Variants in LINGO2 observed in about 807,000 individuals in gnomAD.
The protein encoded by LINGO2 is leucine rich repeat and Ig domain containing 2, also known as leucine-rich repeat and immunoglobulin-like domain-containing nogo receptor-interacting protein 2.
A neutral mutation model predicts 30.6 loss-of-function variants in LINGO2; 14 were observed. The ratio of observed to expected loss-of-function variants is 0.46; its 90% CI spans 0.30 to 0.72. The LOEUF is 0.72. Among genes scored for constraint, LINGO2 ranks in the 30% least tolerant of loss-of-function variants. LINGO2 has a pLI of 0.07. For missense variants in LINGO2, 729 were observed against 751.7 expected, an observed-to-expected ratio of 0.97 and a Z score of 0.35; for synonymous variants, 317 against 288.5, an observed-to-expected ratio of 1.10 and a Z score of -1.00.
the LINGO2 span, among the ~76,000 whole-genome samples, chr9:29,073,302 A>G: frequency 6.6e-6 from 1 of 152,148 alleles, no homozygotes; most frequent in Non-Finnish European, 1.5e-5. Context: ...GACATCGTTC[A>G]GATAATGTAT....
intron 4 of LINGO2, among the ~76,000 whole-genome samples, chr9:28,082,762 T>G (rs1825807589): frequency 6.6e-6 from 1 of 152,164 alleles, no homozygotes; most frequent in Non-Finnish European, 1.5e-5. Context: ...TCTGGATCTC[T>G]TTCTCTCCCT....
the LINGO2 span, among the ~76,000 whole-genome samples, chr9:29,005,748 T>C: frequency 1.3e-5 from 2 of 152,156 alleles, no homozygotes; most frequent in East Asian, 3.9e-4. Flanking sequence ...ATCCCATGAA[T>C]ACTGCATTTT....
intron 4 of LINGO2, among the ~76,000 whole-genome samples, chr9:28,151,269 G>GA (rs1347036258): frequency 2.0e-5 from 3 of 151,904 alleles, no homozygotes; most frequent in Non-Finnish European, 4.4e-5. Context: ...GAGATTGATA[G>GA]AAAAAAGACT....
At chr9:28,338,339 G>A (rs552688201) in intron 3 of LINGO2, among the ~76,000 whole-genome samples, 1 of 152,242 alleles carries the variant, frequency 6.6e-6, no homozygotes, top group Non-Finnish European at 1.5e-5. Flanking sequence ...TAATATCTAG[G>A]AAGTAACTAA....
chr9:28,148,531 G>A lies in LINGO2; in HGVS notation c.-86-136126C>T, dbSNP rs1343043064. On this transcript the variant is annotated intron_variant, in intron 4 of 5. Transcript: ENST00000379992. The surrounding 1 kb of genome is among the most constrained non-coding windows in gnomAD (Gnocchi z 5.1). ...ATAAAAGGGGCCCCTGTAGCAATGG[G>A]GAAGCAGCTTCCACCTCTAGGCCCC... 6 of 1,479,828 alleles carry A rather than the reference G, an allele frequency of 4.1e-6. No homozygotes were observed. Among genetic ancestry groups the A allele is most frequent in the South Asian group, 3.6e-5 (3 of 82,802 alleles). The allele number at this position is 1,479,828 out of a possible 1,614,324, so 91.7% of individuals were successfully genotyped here.
chr9:28,066,677 C>T (rs543341702), intron 4 of LINGO2, among the ~76,000 whole-genome samples: 4 of 152,050 alleles, frequency 2.6e-5, no homozygotes, highest in Admixed American at 6.6e-5. Context: ...GAAATACCTG[C>T]TGTTCTTTCT....
At chr9:29,180,417 T>C in the LINGO2 span, among the ~76,000 whole-genome samples, 7,700 of 152,316 alleles carry the variant, frequency 0.051, 252 homozygotes, top group Admixed American at 0.083. Flanking sequence ...CTACATTTTA[T>C]TCCTTACAGA....
At chr9:28,347,135 T>C (rs1457559888) in intron 3 of LINGO2, among the ~76,000 whole-genome samples, 1 of 152,204 alleles carries the variant, frequency 6.6e-6, no homozygotes, top group East Asian at 1.9e-4. Context: ...GGATATAGGA[T>C]GTGAATCCAT....
At chr9:28,658,797 A>C (rs1313730677) in intron 1 of LINGO2, among the ~76,000 whole-genome samples, 1 of 152,126 alleles carries the variant, frequency 6.6e-6, no homozygotes, top group East Asian at 1.9e-4. Flanking sequence ...CAATACCTGT[A>C]GATTAGTTAA....
At chr9:28,425,005 A>G (rs1015087743) in intron 2 of LINGO2, among the ~76,000 whole-genome samples, 3 of 152,096 alleles carry the variant, frequency 2.0e-5, no homozygotes, top group African/African-American at 7.2e-5. Context: ...ACCAAATAAT[A>G]TAACATATTT....
the LINGO2 span, among the ~76,000 whole-genome samples, chr9:28,963,513 T>G: frequency 4.1e-5 from 6 of 147,788 alleles, no homozygotes; most frequent in Non-Finnish European, 7.4e-5. Flanking sequence ...TATATATCAA[T>G]GGATGAATAA....
the LINGO2 span, among the ~76,000 whole-genome samples, chr9:28,874,100 G>A: frequency 2.6e-5 from 4 of 151,894 alleles, no homozygotes; most frequent in Non-Finnish European, 5.9e-5. Flanking sequence ...ATATCATGAA[G>A]ACTTAGAAAA....
intron 4 of LINGO2, among the ~76,000 whole-genome samples, chr9:28,030,452 T>C (rs766186704): frequency 1.3e-5 from 2 of 152,214 alleles, no homozygotes; most frequent in Non-Finnish European, 2.9e-5. Flanking sequence ...CTAAGGTTAC[T>C]GTTGTATCAC....
the LINGO2 span, among the ~76,000 whole-genome samples, chr9:29,047,049 A>T: frequency 2.5e-4 from 2 of 8,106 alleles, 1 homozygote; most frequent in Non-Finnish European, 8.0e-4. Context: ...TCAAAAAAAA[A>T]AACCAAAAAC....
chr9:28,198,468 T>C (rs1820098719), intron 4 of LINGO2, among the ~76,000 whole-genome samples: 1 of 152,312 alleles, frequency 6.6e-6, no homozygotes, highest in Admixed American at 6.5e-5. Context: ...ATCATACTTT[T>C]GCTTTTCAAT....
intron 1 of LINGO2, among the ~76,000 whole-genome samples, chr9:28,573,572 C>T (rs1334622315): frequency 6.6e-6 from 1 of 152,106 alleles, no homozygotes; most frequent in African/African-American, 2.4e-5. Flanking sequence ...TTTTCCCGAA[C>T]ACTATATAGT....
the LINGO2 span, among the ~76,000 whole-genome samples, chr9:28,840,228 A>G: frequency 6.6e-6 from 1 of 151,664 alleles, no homozygotes; most frequent in South Asian, 2.1e-4. Flanking sequence ...CACCCCTTCA[A>G]GTTGGAAGTG....
intron 2 of LINGO2, among the ~76,000 whole-genome samples, chr9:28,374,724 G>A (rs1821052823): frequency 6.6e-6 from 1 of 152,054 alleles, no homozygotes; most frequent in Non-Finnish European, 1.5e-5. Context: ...CACTTTATAA[G>A]CAGGTTTCAA....
intron 4 of LINGO2, among the ~76,000 whole-genome samples, chr9:28,138,148 GT>G (rs1439887866): frequency 6.6e-6 from 1 of 152,144 alleles, no homozygotes; most frequent in Non-Finnish European, 1.5e-5. Flanking sequence ...GGTGGCCAAG[GT>G]TTGAGCCAAG....
Sources: gnomAD v4.1 joint callset for allele counts (sites outside exome capture counted in the v4.1 genomes callset) on GRCh38, gnomAD v4.1.1 for gene constraint, Gnocchi (gnomAD v3.1) non-coding constraint, MANE v1.5 for transcripts, NCBI Gene and HGNC (gene_info 2026-07-23, HGNC 2026-07-21) for gene names.